The following RSF1 variants were observed in gnomAD, a reference collection of about 807,000 sequenced individuals.
RSF1 encodes the protein HBV pX-associated protein 8.
RSF1 carries 13 observed loss-of-function variants against 145.2 expected under a neutral mutation model. The observed-to-expected ratio is 0.09, with a 90% CI of 0.06 to 0.14. The LOEUF is 0.14. Among genes scored for constraint, RSF1 ranks in the 10% least tolerant of loss-of-function variants. The pLI, the probability that RSF1 is intolerant of heterozygous loss-of-function variation, is 1.00. For synonymous variants in RSF1, 577 were observed against 592.6 expected, an observed-to-expected ratio of 0.97 and a Z score of 0.38; for missense variants, 1,517 against 1,718.2, an observed-to-expected ratio of 0.88 and a Z score of 2.07.
chr11:77,819,233 T>C (rs1948812089), intron 1 of RSF1, among the ~76,000 whole-genome samples: 1 of 152,114 alleles, frequency 6.6e-6, no homozygotes, highest in Non-Finnish European at 1.5e-5. Context: ...CCAGCTAATA[T>C]GGACAAAAAA....
chr11:77,781,959 C>A (rs1016538610), intron 1 of RSF1, among the ~76,000 whole-genome samples: 1 of 152,090 alleles, frequency 6.6e-6, no homozygotes, highest in African/African-American at 2.4e-5. Flanking sequence ...CTAATATAGT[C>A]ATTAGTCTTT....
Position 77,677,055 on chromosome 11 carries a change from T to C in RSF1, c.3134-56A>G, listed in dbSNP as rs1220760529. The C allele has an allele frequency of 2.2e-6, 3 of 1,339,870 alleles. No individual in the cohort carries two copies. The African/African-American group carries it at 4.4e-5, about 20-fold the overall frequency. 83.0% of individuals were successfully genotyped at this position (1,339,870 alleles called of 1,614,324 possible). ...GAAAAATATGTGTTTATTAAAAGCTTCCCTTTAATTTCTAGAGACAGTCCT... is the reference window on the plus strand; with the variant it reads ...GAAAAATATGTGTTTATTAAAAGCTCCCCTTTAATTTCTAGAGACAGTCCT... On this transcript the variant is annotated intron_variant, in intron 12 of 15. Transcript: ENST00000308488.
At chr11:77,694,315 CT>C (rs1291206663) in intron 7 of RSF1, among the ~76,000 whole-genome samples, 1 of 152,110 alleles carries the variant, frequency 6.6e-6, no homozygotes, top group African/African-American at 2.4e-5. Context: ...ATTTCAATTA[CT>C]TACCTGTAAG....
chr11:77,722,237 T>C (rs1356276884), intron 5 of RSF1, among the ~76,000 whole-genome samples: 1 of 152,162 alleles, frequency 6.6e-6, no homozygotes, highest in Non-Finnish European at 1.5e-5. Flanking sequence ...CCTCCTCTTC[T>C]ACTTTTTCAA....
intron 1 of RSF1, among the ~76,000 whole-genome samples, chr11:77,800,183 A>T (rs893685769): frequency 2.6e-5 from 4 of 152,062 alleles, no homozygotes; most frequent in African/African-American, 9.7e-5. Flanking sequence ...AATAAATAAA[A>T]ATAAAGTTTA....
chr11:77,673,062 ACT>A (rs1191577613), intron 14 of RSF1, among the ~76,000 whole-genome samples: 1 of 152,166 alleles, frequency 6.6e-6, no homozygotes, highest in Non-Finnish European at 1.5e-5. Context: ...AGCTGCCATG[ACT>A]GCTCTTCTTG....
intron 4 of RSF1, among the ~76,000 whole-genome samples, chr11:77,733,750 CAG>C (rs1339508514): frequency 6.6e-6 from 1 of 152,014 alleles, no homozygotes; most frequent in African/African-American, 2.4e-5. Flanking sequence ...GTTGTAGAGA[CAG>C]GGTTTCATCA....
At chr11:77,765,616 G>C (rs1037573509) in intron 1 of RSF1, among the ~76,000 whole-genome samples, 3 of 152,062 alleles carry the variant, frequency 2.0e-5, no homozygotes, top group Non-Finnish European at 2.9e-5. Flanking sequence ...GAGGACTGCC[G>C]TATCTTCCCT....
chr11:77,709,058 T>A (rs1960618245), intron 5 of RSF1, among the ~76,000 whole-genome samples: 1 of 152,248 alleles, frequency 6.6e-6, no homozygotes, highest in African/African-American at 2.4e-5. Context: ...AGTCAATCTT[T>A]GCTCTAACAT....
intron 1 of RSF1, chr11:77,813,709 C>G (rs556196563): frequency 1.2e-5 from 5 of 433,870 alleles, no homozygotes; most frequent in Non-Finnish European, 2.2e-5. Context: ...CGACTTGTTC[C>G]TCGGCGAGAG....
chr11:77,738,578 A>C (rs921908436), intron 4 of RSF1: 2 of 152,272 alleles, frequency 1.3e-5, no homozygotes, highest in African/African-American at 4.8e-5. Flanking sequence ...ATGTGTCTAC[A>C]GATGGTAAGT....
At chr11:77,772,466 G>A (rs533373885) in intron 1 of RSF1, among the ~76,000 whole-genome samples, 6 of 152,196 alleles carry the variant, frequency 3.9e-5, no homozygotes, top group Admixed American at 6.5e-5. Flanking sequence ...AAGCTACCAC[G>A]CCTGGCCTGT....
At position 77,702,359 on chromosome 11, in the gene RSF1, T is replaced by C. The variant is rs759043848; in HGVS notation, c.870A>G (p.Pro290=). ...KEDEKELVKL[P]VIVKLEKPLP... is the part of the protein sequence containing the mutation. Reference sequence around the variant, plus strand: ...AAGGTTTTTCTAGCTTCACTATGACTGGCAGTTTCACAAGTTCCTTTTCAT... The same window carrying C: ...AAGGTTTTTCTAGCTTCACTATGACCGGCAGTTTCACAAGTTCCTTTTCAT... The change falls in exon 6 of 16, where the codon CCA becomes CCG. Residue 290 remains proline, a synonymous_variant. Coordinates refer to ENST00000308488, the MANE Select transcript of RSF1 (RefSeq NM_016578.4). 4.3e-6 allele frequency: 7 copies of C among 1,611,956 alleles called. No individual in the cohort carries two copies. In the Admixed American group the frequency reaches 8.4e-5, roughly 19 times the overall value.
intron 1 of RSF1, among the ~76,000 whole-genome samples, chr11:77,773,869 C>T (rs765279474): frequency 1.1e-4 from 16 of 152,086 alleles, no homozygotes; most frequent in Non-Finnish European, 1.6e-4. Flanking sequence ...AAATTTATCC[C>T]AAATGCTGAT....
chr11:77,770,851 A>AG (rs1207722269), intron 1 of RSF1, among the ~76,000 whole-genome samples: 6 of 152,194 alleles, frequency 3.9e-5, no homozygotes, highest in Non-Finnish European at 8.8e-5. Flanking sequence ...CCTTTCCTGA[A>AG]GAAGGATTCC....
At chr11:77,703,935 T>C (rs1960482145) in intron 5 of RSF1, among the ~76,000 whole-genome samples, 1 of 152,234 alleles carries the variant, frequency 6.6e-6, no homozygotes, top group South Asian at 2.1e-4. Flanking sequence ...TTAGCTAGTA[T>C]ATCAGGAAAT....
the RSF1 span, among the ~76,000 whole-genome samples, chr11:77,858,579 G>A: frequency 2.6e-4 from 39 of 152,106 alleles, no homozygotes; most frequent in African/African-American, 9.2e-4. Flanking sequence ...GCTAGCCTTA[G>A]GGATTCTTAG....
At chr11:77,694,153 C>G (rs1418466384) in intron 7 of RSF1, among the ~76,000 whole-genome samples, 1 of 152,168 alleles carries the variant, frequency 6.6e-6, no homozygotes, top group Non-Finnish European at 1.5e-5. Flanking sequence ...CAAGGCCTTT[C>G]TGACCTAGAG....
intron 5 of RSF1, among the ~76,000 whole-genome samples, chr11:77,723,215 T>C (rs1960978904): frequency 6.6e-6 from 1 of 152,184 alleles, no homozygotes; most frequent in South Asian, 2.1e-4. Flanking sequence ...TCCCAGCACT[T>C]TGGGAAGCCA....
Sources: allele counts gnomAD v4.1 joint callset (sites outside exome capture counted in the v4.1 genomes callset), GRCh38; gene constraint gnomAD v4.1.1; transcripts MANE v1.5; gene names NCBI Gene and HGNC (gene_info 2026-07-23, HGNC 2026-07-21).